The following IKZF1 variants were observed in gnomAD, a reference collection of about 807,000 sequenced individuals.
IKZF1 encodes the protein DNA-binding protein Ikaros.
IKZF1 carries 10 observed loss-of-function variants against 51.7 expected under a neutral mutation model. That is an observed-to-expected ratio of 0.19 (90% confidence interval 0.12 to 0.33). IKZF1 has a LOEUF of 0.33. IKZF1 is among the 10% of genes least tolerant of loss of function. The pLI is 1.00. For missense variants in IKZF1, 484 were observed against 707.5 expected, an observed-to-expected ratio of 0.68 and a Z score of 3.58; for synonymous variants, 280 against 282.3, an observed-to-expected ratio of 0.99 and a Z score of 0.08.
chr7:50,327,781 T>C (rs2153385081), intron 3 of IKZF1, 24 bp downstream of exon 3: 1 of 1,586,356 alleles, frequency 6.3e-7, no homozygotes, highest in Admixed American at 1.8e-5. Flanking sequence ...CAGCGGCCTC[T>C]GTGCCTGTGA....
intron 3 of IKZF1, among the ~76,000 whole-genome samples, chr7:50,336,366 C>T (rs1428287316): frequency 6.6e-6 from 1 of 152,122 alleles, no homozygotes; most frequent in African/African-American, 2.4e-5. Flanking sequence ...GGTCACATCT[C>T]GGCTGTCCCC....
intron 3 of IKZF1, among the ~76,000 whole-genome samples, chr7:50,348,273 G>A (rs1026208678): frequency 2.2e-4 from 33 of 152,254 alleles, no homozygotes; most frequent in African/African-American, 7.5e-4. Context: ...TGTTGCCTCC[G>A]GACATGACAT....
chr7:50,335,119 T>C (rs1239543635), intron 3 of IKZF1, among the ~76,000 whole-genome samples: 1 of 149,890 alleles, frequency 6.7e-6, no homozygotes, highest in Non-Finnish European at 1.5e-5. Flanking sequence ...TGTATATGTT[T>C]ATGGGATGTG....
chr7:50,345,514 C>T (rs576965032), intron 3 of IKZF1, among the ~76,000 whole-genome samples: 3 of 152,110 alleles, frequency 2.0e-5, no homozygotes, highest in Admixed American at 6.5e-5. Context: ...ATGGGATCCC[C>T]GGGAGGTGGA....
chr7:50,359,761 A>C (rs1319703236), intron 3 of IKZF1, among the ~76,000 whole-genome samples: 1 of 152,184 alleles, frequency 6.6e-6, no homozygotes, highest in Non-Finnish European at 1.5e-5. Flanking sequence ...TCCTCTGCAG[A>C]CAGCCAGTTC....
At chr7:50,303,925 G>C (rs1788147283), upstream of IKZF1, 2 of 145,064 alleles carry the variant, frequency 1.4e-5, no homozygotes, top group Non-Finnish European at 3.1e-5. The surrounding 1 kb of genome is among the most constrained non-coding windows in gnomAD (Gnocchi z 4.7). Flanking sequence ...CGGCCGAGCC[G>C]GGCTGCCCGG....
intron 4 of IKZF1, among the ~76,000 whole-genome samples, chr7:50,378,081 T>C (rs915107463): frequency 6.6e-6 from 1 of 152,102 alleles, no homozygotes; most frequent in African/African-American, 2.4e-5. Context: ...ATGCAGAAAA[T>C]TTTGTGAGCC....
chr7:50,390,618 C>T (rs900191063), intron 6 of IKZF1, among the ~76,000 whole-genome samples: 29 of 152,108 alleles, frequency 1.9e-4, no homozygotes, highest in Admixed American at 1.5e-3. Context: ...GTCTGGATGC[C>T]GTCCATGGGC....
intron 3 of IKZF1, among the ~76,000 whole-genome samples, chr7:50,355,497 C>A (rs145080092): frequency 1.3e-5 from 2 of 152,326 alleles, no homozygotes; most frequent in Non-Finnish European, 2.9e-5. Context: ...GCCACACCAT[C>A]CACTGGAAAC....
intron 7 of IKZF1, among the ~76,000 whole-genome samples, chr7:50,394,996 C>T (rs1334260745): frequency 2.0e-5 from 3 of 152,110 alleles, no homozygotes; most frequent in Admixed American, 2.0e-4. Flanking sequence ...ACAACAATTA[C>T]CAATATTCCT....
At chr7:50,345,471 C>T (rs1800118504) in intron 3 of IKZF1, among the ~76,000 whole-genome samples, 1 of 152,154 alleles carries the variant, frequency 6.6e-6, no homozygotes, top group Non-Finnish European at 1.5e-5. Flanking sequence ...GTTTGGAGCT[C>T]AGGTTTTGAG....
intron 3 of IKZF1, among the ~76,000 whole-genome samples, chr7:50,356,077 C>T (rs1803279475): frequency 6.6e-6 from 1 of 152,244 alleles, no homozygotes; most frequent in African/African-American, 2.4e-5. Context: ...CTCTCCTTGC[C>T]TGTTTTCCTC....
At chr7:50,309,539 T>C (rs921512558) in intron 1 of IKZF1, among the ~76,000 whole-genome samples, 2 of 152,160 alleles carry the variant, frequency 1.3e-5, no homozygotes, top group Non-Finnish European at 2.9e-5. Flanking sequence ...GTGTAAAGTG[T>C]TTTTGAATGG....
intron 3 of IKZF1, chr7:50,368,289 A>G (rs1237623154): frequency 1.7e-5 from 12 of 703,244 alleles, no homozygotes; most frequent in Non-Finnish European, 2.9e-5. Context: ...GTGGAGTAAC[A>G]GTAAGGGTTG....
intron 6 of IKZF1, among the ~76,000 whole-genome samples, chr7:50,388,730 C>A (rs1242178915): frequency 6.6e-6 from 1 of 152,076 alleles, no homozygotes; most frequent in African/African-American, 2.4e-5. Flanking sequence ...ATGGCCAGAC[C>A]CCAGGGCAGA....
At chr7:50,325,946 G>A (rs113024657) in intron 2 of IKZF1, among the ~76,000 whole-genome samples, 45 of 152,138 alleles carry the variant, frequency 3.0e-4, no homozygotes, top group Middle Eastern at 3.4e-3. Flanking sequence ...TTTTGTATTG[G>A]CTATCCAAAT....
chr7:50,369,329 G>A, intron 3 of IKZF1: 1 of 392,510 alleles, frequency 2.5e-6, no homozygotes. Flanking sequence ...GTCAGCCAGA[G>A]CATATGTTGA....
intron 5 of IKZF1, among the ~76,000 whole-genome samples, chr7:50,383,732 C>G (rs1371817295): frequency 6.6e-6 from 1 of 152,248 alleles, no homozygotes. Flanking sequence ...AGCCGGTGCC[C>G]TGGGGGATGG....
intron 2 of IKZF1, among the ~76,000 whole-genome samples, chr7:50,324,342 A>G (rs942687234): frequency 2.0e-5 from 3 of 152,120 alleles, no homozygotes; most frequent in African/African-American, 7.2e-5. Context: ...AAGAACTATC[A>G]CTGAGTTCAG....
Sources: allele counts gnomAD v4.1 joint callset (sites outside exome capture counted in the v4.1 genomes callset), GRCh38; gene constraint gnomAD v4.1.1; non-coding constraint Gnocchi (gnomAD v3.1); transcripts MANE v1.5; gene names NCBI Gene and HGNC (gene_info 2026-07-23, HGNC 2026-07-21).